The following TBC1D1 variants were observed in gnomAD, a reference collection of about 807,000 sequenced individuals.
TBC1D1 encodes TBC1 domain family member 1.
TBC1D1 carries 89 observed loss-of-function variants against 125.6 expected under a neutral mutation model. The ratio of observed to expected loss-of-function variants is 0.71; its 90% CI spans 0.60 to 0.85. TBC1D1 has a LOEUF of 0.85. TBC1D1 is among the 40% of genes least tolerant of loss of function. The pLI, the probability that TBC1D1 is intolerant of heterozygous loss-of-function variation, is 0.00. For synonymous variants in TBC1D1, 565 were observed against 564.1 expected (o/e 1.00, Z -0.02); for missense variants, 1,377 against 1,469.2 (o/e 0.94, Z 1.03).
At chr4:38,078,680 C>A (rs531595132) in intron 12 of TBC1D1, among the ~76,000 whole-genome samples, 7 of 152,316 alleles carry the variant, frequency 4.6e-5, no homozygotes, top group Non-Finnish European at 5.9e-5. Flanking sequence ...AGAGAGAGGG[C>A]TCTCACTAGA....
At chr4:38,072,455 A>G (rs1754866710) in intron 12 of TBC1D1, among the ~76,000 whole-genome samples, 1 of 152,332 alleles carries the variant, frequency 6.6e-6, no homozygotes, top group East Asian at 1.9e-4. Flanking sequence ...AATAAAATGA[A>G]ACTCAGTGCT....
chr4:37,907,189 T>G (rs1350944222), intron 2 of TBC1D1, among the ~76,000 whole-genome samples: 1 of 152,206 alleles, frequency 6.6e-6, no homozygotes, highest in African/African-American at 2.4e-5. Flanking sequence ...TGAAGAAAAT[T>G]TGGCCTCACA....
intron 7 of TBC1D1, among the ~76,000 whole-genome samples, chr4:38,030,932 G>A (rs1746001414): frequency 6.6e-6 from 1 of 152,196 alleles, no homozygotes; most frequent in Admixed American, 6.5e-5. Context: ...CTGTGTAAAC[G>A]ATGCTGGAGG....
At chr4:38,062,944 C>T (rs927379318) in intron 12 of TBC1D1, among the ~76,000 whole-genome samples, 2 of 152,162 alleles carry the variant, frequency 1.3e-5, no homozygotes, top group African/African-American at 4.8e-5. Context: ...GATTTGAATC[C>T]CTGCCCTCCT....
In TBC1D1 at chr4:38,021,714, A is replaced by G. The variant is rs1270120222; in HGVS notation, c.1206A>G (p.Ile402Met). ...GCCTGCACAAGCTCTGTGAGAGGAT[A>G]GAGGGTGAGTAGGGGACCCTTTCCA... is the stretch of plus-strand genomic sequence containing the variant. Residue 402 changes from isoleucine (I) to methionine (M), a missense_variant, in exon 6 of 20, where the codon ATA becomes ATG. Around this residue, in one of 3 missense-constraint regions of TBC1D1, gnomAD observed 822 missense variants for 824.6 expected, o/e 1.00. Transcript: ENST00000261439. 4 of 1,571,514 alleles carry G rather than the reference A, an allele frequency of 2.5e-6. No homozygotes were observed. The African/African-American group carries it at 4.1e-5, about 16-fold the overall frequency.
intron 8 of TBC1D1, among the ~76,000 whole-genome samples, chr4:38,036,624 G>T (rs1747269843): frequency 6.6e-6 from 1 of 152,156 alleles, no homozygotes; most frequent in Non-Finnish European, 1.5e-5. Context: ...CAAGTGTGCA[G>T]TTTTCATGGG....
intron 12 of TBC1D1, among the ~76,000 whole-genome samples, chr4:38,080,327 A>G (rs1321148373): frequency 2.0e-5 from 3 of 152,214 alleles, no homozygotes; most frequent in African/African-American, 7.2e-5. Flanking sequence ...ATGAGATCAC[A>G]GGGTTAAGTG....
chr4:38,039,157 A>C (rs1359912171), intron 8 of TBC1D1, among the ~76,000 whole-genome samples: 3 of 104,120 alleles, frequency 2.9e-5, no homozygotes, highest in African/African-American at 3.7e-5. Context: ...TCACTCTGTC[A>C]CCCAGGCTGG....
At chr4:38,000,159 A>C (rs1738713011) in intron 2 of TBC1D1, among the ~76,000 whole-genome samples, 1 of 152,140 alleles carries the variant, frequency 6.6e-6, no homozygotes, top group African/African-American at 2.4e-5. Context: ...GCTTTATTGC[A>C]TTATTCATAT....
chr4:37,906,493 C>A (rs1455948318), intron 2 of TBC1D1, among the ~76,000 whole-genome samples: 3 of 152,192 alleles, frequency 2.0e-5, no homozygotes, highest in Non-Finnish European at 4.4e-5. Context: ...CTGCTGATTT[C>A]TTTGGACATT....
At chr4:38,116,478 C>A (rs898488106) in intron 16 of TBC1D1, among the ~76,000 whole-genome samples, 1 of 152,198 alleles carries the variant, frequency 6.6e-6, no homozygotes, top group Admixed American at 6.5e-5. Context: ...ATTTCTTTTG[C>A]ACAACACAGC....
At chr4:37,900,763 C>T (rs1478266929) in intron 1 of TBC1D1, among the ~76,000 whole-genome samples, 2 of 152,172 alleles carry the variant, frequency 1.3e-5, no homozygotes, top group Non-Finnish European at 2.9e-5. Context: ...TAGGATACAT[C>T]AAACGTGGTT....
intron 2 of TBC1D1, among the ~76,000 whole-genome samples, chr4:37,919,873 G>A (rs1265580102): frequency 6.6e-6 from 1 of 152,174 alleles, no homozygotes; most frequent in Non-Finnish European, 1.5e-5. Flanking sequence ...AGCACTTTGG[G>A]AGGCCGAGGG....
At chr4:37,891,680 G>T (rs1266928954) in intron 1 of TBC1D1, among the ~76,000 whole-genome samples, 1 of 97,988 alleles carries the variant, frequency 1.0e-5, no homozygotes, top group Non-Finnish European at 1.9e-5. Context: ...TTATCCTAGC[G>T]TGTTTGCAAG....
chr4:37,944,772 C>T (rs567732123), intron 2 of TBC1D1, among the ~76,000 whole-genome samples: 2 of 152,330 alleles, frequency 1.3e-5, no homozygotes, highest in East Asian at 3.9e-4. Context: ...TCCCTGATCC[C>T]TTGTGCTTCC....
chr4:38,129,015 G>GC (rs1765126506), intron 18 of TBC1D1, among the ~76,000 whole-genome samples: 1 of 152,130 alleles, frequency 6.6e-6, no homozygotes, highest in Non-Finnish European at 1.5e-5. Context: ...TCAGAGCATG[G>GC]CCTCAGCCCA....
chr4:38,114,516 C>T (rs1278239474), intron 15 of TBC1D1, among the ~76,000 whole-genome samples: 3 of 152,210 alleles, frequency 2.0e-5, no homozygotes, highest in African/African-American at 4.8e-5. Flanking sequence ...CTTTTGCCTT[C>T]GCTGATCCAA....
At chr4:38,030,996 ATGGGCATG>A (rs1204840693) in intron 7 of TBC1D1, among the ~76,000 whole-genome samples, 1 of 152,240 alleles carries the variant, frequency 6.6e-6, no homozygotes, top group Non-Finnish European at 1.5e-5. Flanking sequence ...TTAATGCCAG[ATGGGCATG>A]TGGGCATACC....
intron 4 of TBC1D1, among the ~76,000 whole-genome samples, chr4:38,019,415 G>A (rs1052280812): frequency 2.0e-5 from 3 of 152,124 alleles, no homozygotes; most frequent in Non-Finnish European, 4.4e-5. Context: ...AATTGAGATG[G>A]CAAAGCATGT....
Sources: allele counts gnomAD v4.1 joint callset (sites outside exome capture counted in the v4.1 genomes callset), GRCh38; gene constraint gnomAD v4.1.1; regional missense constraint gnomAD v4.1.1; transcripts MANE v1.5; gene names NCBI Gene and HGNC (gene_info 2026-07-23, HGNC 2026-07-21).